SLCO1B1: variants seen among roughly 807,000 people sequenced by gnomAD.
The protein encoded by SLCO1B1 is OATP-2.
In SLCO1B1, 81 loss-of-function variants were observed where a neutral mutation model predicts 70.1. The ratio of observed to expected loss-of-function variants is 1.16; its 90% CI spans 0.97 to 1.39. The LOEUF (loss-of-function observed/expected upper bound fraction) is 1.39. SLCO1B1 is among the 40% of genes most tolerant of loss of function. SLCO1B1 has a pLI of 0.00. For synonymous variants in SLCO1B1, 283 were observed against 271.5 expected (o/e 1.04, Z -0.42); for missense variants, 895 against 799.6 (o/e 1.12, Z -1.44).
rs191171519 is a variant in SLCO1B1, at chr12:21,196,571, T to C, written c.728-375T>C. On this transcript the variant is annotated intron_variant, in intron 7 of 14. Transcript: ENST00000256958. The stretch of plus-strand genomic sequence containing the variant: ...TTTCATTGCTGACCCTTTCTTGATT[T>C]TATTAGCTTGTGCCAATAGACATTT... 1.7e-4 allele frequency among the ~76,000 whole-genome samples: 26 copies of C among 152,316 alleles called. 1 individual carries two copies. In the East Asian group the frequency reaches 5.0e-3, roughly 29 times the overall value.
intron 12 of SLCO1B1, 148 bp downstream of exon 12, chr12:21,217,451 A>T (rs1289621671): frequency 2.7e-6 from 2 of 730,978 alleles, no homozygotes; most frequent in Admixed American, 4.8e-5. Flanking sequence ...TAAAATTACT[A>T]TGAACTCTCA....
intron 1 of SLCO1B1, among the ~76,000 whole-genome samples, chr12:21,139,506 A>G (rs1221153332): frequency 6.6e-6 from 1 of 152,090 alleles, no homozygotes; most frequent in East Asian, 1.9e-4. Context: ...TTACTTCCAC[A>G]TTTATGCACT....
intron 11 of SLCO1B1, among the ~76,000 whole-genome samples, chr12:21,215,420 C>A (rs1403616742): frequency 1.3e-5 from 2 of 152,158 alleles, no homozygotes; most frequent in African/African-American, 4.8e-5. Flanking sequence ...GCTTTTTCTG[C>A]ATCTGGTGAA....
intron 2 of SLCO1B1, among the ~76,000 whole-genome samples, chr12:21,145,473 ATTTTTTTTT>A (rs35334634): frequency 6.6e-5 from 5 of 76,102 alleles, no homozygotes; most frequent in Non-Finnish European, 1.1e-4. Flanking sequence ...CATTTTTTTC[ATTTTTTTTT>A]TTTTTTTTTT....
chr12:21,199,637 CA>C (rs200426413), intron 8 of SLCO1B1, among the ~76,000 whole-genome samples: 1 of 152,176 alleles, frequency 6.6e-6, no homozygotes, highest in East Asian at 1.9e-4. Flanking sequence ...TTTTGAACCT[CA>C]ATGGTCTTAT....
chr12:21,194,099 A>G (rs1941064233), intron 7 of SLCO1B1, among the ~76,000 whole-genome samples: 1 of 147,024 alleles, frequency 6.8e-6, no homozygotes, highest in Admixed American at 6.8e-5. Context: ...CCAAGTCATC[A>G]CCCTTTATTT....
chr12:21,209,255 G>T (rs1230050717), intron 11 of SLCO1B1, among the ~76,000 whole-genome samples: 2 of 149,138 alleles, frequency 1.3e-5, no homozygotes, highest in Non-Finnish European at 3.0e-5. Flanking sequence ...TCCCCTTCCT[G>T]TGTCCATGTG....
chr12:21,141,236 C>A (rs541819935), intron 1 of SLCO1B1, among the ~76,000 whole-genome samples: 83 of 151,168 alleles, frequency 5.5e-4, no homozygotes, highest in Non-Finnish European at 1.3e-4. Context: ...TTAAAATGTT[C>A]ATGTAATCTG....
Position 21,135,892 on chromosome 12 carries a change from T to G in SLCO1B1, c.-62+4656T>G, listed in dbSNP as rs1940213662. Among the ~76,000 whole-genome samples, 3 of 152,320 alleles carry G rather than the reference T, an allele frequency of 2.0e-5. No individual in the cohort carries two copies. In the South Asian group the frequency reaches 6.2e-4, roughly 32 times the overall value. ...TCCTGTCATTGTGATGTTAGCTGGT[T>G]ATTTTGCTCATTAGTTGATGCAGTT... On this transcript the variant is annotated intron_variant, in intron 1 of 14. Transcript: ENST00000256958.
intron 1 of SLCO1B1, among the ~76,000 whole-genome samples, chr12:21,134,301 T>C (rs1186453393): frequency 1.3e-5 from 2 of 152,270 alleles, no homozygotes; most frequent in African/African-American, 2.4e-5. Context: ...TCTCTTTTTT[T>C]GTTGTTTCTC....
chr12:21,171,727 G>A lies in SLCO1B1; in HGVS notation c.85-923G>A, dbSNP rs150980755. On this transcript the variant is annotated intron_variant, in intron 2 of 14. Transcript: ENST00000256958. Reference sequence around the variant, plus strand: ...ACAAATATTTGTCTCTCACATTTCCGGAGGCTGAGAATTCTGATATCAGGG... The same window carrying A: ...ACAAATATTTGTCTCTCACATTTCCAGAGGCTGAGAATTCTGATATCAGGG... Among the ~76,000 whole-genome samples, 535 of 152,192 alleles carry A rather than the reference G, an allele frequency of 3.5e-3. 1 individual carries two copies. Among genetic ancestry groups the A allele is most frequent in the African/African-American group, 0.012 (484 of 41,538 alleles).
chr12:21,210,663 T>G (rs1006103373), intron 11 of SLCO1B1, among the ~76,000 whole-genome samples: 11 of 149,854 alleles, frequency 7.3e-5, no homozygotes, highest in African/African-American at 2.7e-4. Flanking sequence ...TATGGCCATT[T>G]TCACGATATT....
chr12:21,219,597 T>G (rs1468206520), intron 12 of SLCO1B1, among the ~76,000 whole-genome samples: 1 of 152,224 alleles, frequency 6.6e-6, no homozygotes, highest in African/African-American at 2.4e-5. Flanking sequence ...GTAGAAAGTG[T>G]GTTTTGTGAA....
chr12:21,133,663 G>C (rs187588069), intron 1 of SLCO1B1, among the ~76,000 whole-genome samples: 192 of 152,218 alleles, frequency 1.3e-3, no homozygotes, highest in African/African-American at 4.4e-3. Context: ...GAATGCTTGT[G>C]ATTTTTATAC....
chr12:21,202,395 T>C (rs1422793720), intron 9 of SLCO1B1, 96 bp from the exon 10 acceptor site: 1 of 797,360 alleles, frequency 1.3e-6, no homozygotes, highest in African/African-American at 1.7e-5. Context: ...GAAGCAATAA[T>C]ATTGAATAAA....
At chr12:21,168,573 G>T (rs12311454) in intron 2 of SLCO1B1, among the ~76,000 whole-genome samples, 11,739 of 152,106 alleles carry the variant, frequency 0.077, 824 homozygotes, top group South Asian at 0.27. Context: ...TTGAAATAGT[G>T]GCTTTTCTGA....
intron 4 of SLCO1B1, 43 bp downstream of exon 4, chr12:21,174,752 A>G (rs573376929): frequency 1.3e-6 from 2 of 1,581,358 alleles, no homozygotes; most frequent in Admixed American, 1.8e-5. Flanking sequence ...CACTATCAGT[A>G]CCTTGTAAAT....
chr12:21,224,104 T>C (rs1487959371), intron 13 of SLCO1B1, among the ~76,000 whole-genome samples: 1 of 152,130 alleles, frequency 6.6e-6, no homozygotes, highest in Admixed American at 6.6e-5. Flanking sequence ...AAATCAATTG[T>C]AGAAAATCAC....
At chr12:21,219,833 T>G (rs1941401615) in intron 12 of SLCO1B1, among the ~76,000 whole-genome samples, 4 of 114,918 alleles carry the variant, frequency 3.5e-5, no homozygotes. Context: ...CAACCTTGGA[T>G]TGCTGCAACC....
Sources: gnomAD v4.1 joint callset for allele counts (sites outside exome capture counted in the v4.1 genomes callset) on GRCh38, gnomAD v4.1.1 for gene constraint, MANE v1.5 for transcripts, NCBI Gene and HGNC (gene_info 2026-07-23, HGNC 2026-07-21) for gene names.